Variants in LIMCH1 observed in about 807,000 individuals in gnomAD.
LIMCH1 encodes the protein LIM and calponin homology domains 1.
LIMCH1 carries 113 observed loss-of-function variants against 176.5 expected under a neutral mutation model. The observed-to-expected ratio is 0.64, with a 90% CI of 0.55 to 0.75. The LOEUF (loss-of-function observed/expected upper bound fraction) is 0.75, where lower values mean the gene tolerates loss of function less well. Ranked by LOEUF, LIMCH1 falls within the 30% of genes least tolerant of loss-of-function variation. LIMCH1 has a pLI of 0.00. For synonymous variants in LIMCH1, 619 were observed against 645.9 expected, an observed-to-expected ratio of 0.96 and a Z score of 0.63; for missense variants, 1,674 against 1,814.9, an observed-to-expected ratio of 0.92 and a Z score of 1.41.
At chr4:41,442,757 T>G (rs2062836186) in intron 1 of LIMCH1, among the ~76,000 whole-genome samples, 2 of 152,258 alleles carry the variant, frequency 1.3e-5, no homozygotes, top group South Asian at 2.1e-4. Flanking sequence ...GATTGAATTT[T>G]AATTATTTAA....
Position 41,399,685 on chromosome 4 carries a change from C to T in LIMCH1, c.96+38749C>T, listed in dbSNP as rs1471613168. On this transcript the variant is annotated intron_variant, in intron 1 of 26. Coordinates refer to the LIMCH1 transcript ENST00000313860. Reference sequence around the variant, plus strand: ...GTAACAATCCTATGAGGTGGATACTCTTTTTTTTTTTTTTTGAGATGGAGT... The same window carrying T: ...GTAACAATCCTATGAGGTGGATACTTTTTTTTTTTTTTTTTGAGATGGAGT... Among the ~76,000 whole-genome samples the T allele has an allele frequency of 3.7e-3, 351 of 95,780 alleles. 15 individuals carry two copies. The highest frequency in any genetic ancestry group is 0.014 in the African/African-American group (324 of 22,570). The allele number at this position is 95,780 out of a possible 152,430, so 62.8% of individuals were successfully genotyped here.
At chr4:41,519,932 A>G (rs1257223899) in intron 2 of LIMCH1, among the ~76,000 whole-genome samples, 1 of 152,170 alleles carries the variant, frequency 6.6e-6, no homozygotes, top group Non-Finnish European at 1.5e-5. Context: ...AACCTAGGCT[A>G]CTGACTCCAA....
At chr4:41,521,809 T>C (rs898404219) in intron 2 of LIMCH1, among the ~76,000 whole-genome samples, 1 of 152,176 alleles carries the variant, frequency 6.6e-6, no homozygotes, top group South Asian at 2.1e-4. Context: ...CCTAGTGTTA[T>C]ATGTCAGTTG....
intron 1 of LIMCH1, among the ~76,000 whole-genome samples, chr4:41,547,551 A>T (rs1257492102): frequency 6.6e-6 from 1 of 150,476 alleles, no homozygotes; most frequent in East Asian, 1.9e-4. Context: ...TAAAATGATG[A>T]TTAACTATAG....
rs770971310 is a variant in LIMCH1, at chr4:41,644,539, C to T, written c.2166C>T (p.Ala722=). 2.5e-6 allele frequency: 4 copies of T among 1,597,712 alleles called. No individual in the cohort carries two copies. The highest frequency in any genetic ancestry group is 2.3e-5 in the East Asian group (1 of 43,908). ...TTGACATGCGGTGTGAGGAGGAGGC[C>T]GCGGTGCAGCCGCACAGCAGGGCCC... ...SMFDMRCEEE[A]AVQPHSRARQ... The change falls in exon 15 of 32, where the codon GCC becomes GCT. Residue 722 remains alanine (A), a synonymous_variant. Transcript: ENST00000503057.
chr4:41,680,164 C>G (rs1057014045), intron 24 of LIMCH1, 66 bp downstream of exon 24: 1 of 1,077,456 alleles, frequency 9.3e-7, no homozygotes, highest in Non-Finnish European at 1.4e-6. Context: ...GCAACACTCT[C>G]TGTGTCTGTG....
Position 41,429,835 on chromosome 4 carries a change from G to A in LIMCH1, c.97-64701G>A, listed in dbSNP as rs577199423. 2.3e-3 allele frequency among the ~76,000 whole-genome samples: 346 copies of A among 151,570 alleles called. 1 individual carries two copies. The highest frequency in any genetic ancestry group is 8.0e-3 in the African/African-American group (329 of 41,186). On this transcript the variant is annotated intron_variant, in intron 1 of 26. Transcript: ENST00000313860. ...CATGTAGGCCTTCATGTAGATGCAC[G>A]TTGATAGATATCCCCCTGTCACCAG...
intron 18 of LIMCH1, 65 bp downstream of exon 18, chr4:41,650,673 A>C (rs988081248): frequency 3.3e-5 from 44 of 1,352,948 alleles, no homozygotes; most frequent in Non-Finnish European, 4.5e-5. Context: ...TCTGTTTTTA[A>C]AAATAAGTAG....
intron 1 of LIMCH1, among the ~76,000 whole-genome samples, chr4:41,408,608 G>A (rs907158876): frequency 3.3e-5 from 5 of 152,174 alleles, no homozygotes; most frequent in Non-Finnish European, 7.4e-5. Context: ...ACTGTATAGT[G>A]TTGATTTGCC....
At chr4:41,394,644 A>T (rs1024821687) in intron 1 of LIMCH1, among the ~76,000 whole-genome samples, 1 of 152,212 alleles carries the variant, frequency 6.6e-6, no homozygotes, top group Non-Finnish European at 1.5e-5. Flanking sequence ...CTTTAATTCA[A>T]GATTCCTTAT....
chr4:41,377,859 C>T (rs922016746), intron 1 of LIMCH1, among the ~76,000 whole-genome samples: 20 of 152,268 alleles, frequency 1.3e-4, no homozygotes, highest in African/African-American at 3.9e-4. Flanking sequence ...CCCTTGGTAA[C>T]CCATTAATCC....
At chr4:41,569,920 G>A (rs1404776701) in intron 1 of LIMCH1, among the ~76,000 whole-genome samples, 1 of 152,142 alleles carries the variant, frequency 6.6e-6, no homozygotes, top group Non-Finnish European at 1.5e-5. Flanking sequence ...AATCTATTTT[G>A]CATTTCTCTG....
At chr4:41,484,768 C>T (rs1026199076) in intron 1 of LIMCH1, among the ~76,000 whole-genome samples, 2 of 152,070 alleles carry the variant, frequency 1.3e-5, no homozygotes, top group African/African-American at 4.8e-5. Flanking sequence ...TGAATCTAGG[C>T]ACCATTATTT....
intron 1 of LIMCH1, among the ~76,000 whole-genome samples, chr4:41,486,629 T>C (rs2069587566): frequency 6.6e-6 from 1 of 152,180 alleles, no homozygotes; most frequent in Admixed American, 6.5e-5. Context: ...GGTTCTGAAC[T>C]GCTGGCTTAG....
intron 14 of LIMCH1, among the ~76,000 whole-genome samples, chr4:41,641,111 C>T (rs1050794035): frequency 2.0e-5 from 3 of 152,128 alleles, no homozygotes; most frequent in Non-Finnish European, 4.4e-5. Flanking sequence ...AATGCCAACC[C>T]ACCACCAAGG....
At chr4:41,693,647 A>G (rs1165736384) in intron 31 of LIMCH1, among the ~76,000 whole-genome samples, 1 of 151,670 alleles carries the variant, frequency 6.6e-6, no homozygotes, top group Non-Finnish European at 1.5e-5. Flanking sequence ...TAATAATTAT[A>G]TACATTTTAT....
chr4:41,475,399 G>T (rs1173199002), intron 1 of LIMCH1, among the ~76,000 whole-genome samples: 1 of 152,210 alleles, frequency 6.6e-6, no homozygotes, highest in Non-Finnish European at 1.5e-5. Context: ...CTGTGAGTTT[G>T]CAGTAGGGGT....
intron 1 of LIMCH1, among the ~76,000 whole-genome samples, chr4:41,538,603 C>T (rs1417710862): frequency 4.7e-5 from 7 of 147,692 alleles, no homozygotes; most frequent in South Asian, 2.2e-4. Flanking sequence ...TTTTATTTTC[C>T]GGTATGTGGT....
At chr4:41,464,250 A>C (rs2065783957) in intron 1 of LIMCH1, among the ~76,000 whole-genome samples, 1 of 149,850 alleles carries the variant, frequency 6.7e-6, no homozygotes, top group African/African-American at 2.5e-5. Flanking sequence ...CTCTTCCTCC[A>C]CTGGGCTGTG....
Sources: gnomAD v4.1 joint callset for allele counts (sites outside exome capture counted in the v4.1 genomes callset) on GRCh38, gnomAD v4.1.1 for gene constraint, MANE v1.5 for transcripts, NCBI Gene and HGNC (gene_info 2026-07-23, HGNC 2026-07-21) for gene names.